Variants in FABP12 observed in about 807,000 individuals in gnomAD.
FABP12 encodes fatty acid binding protein 12, also known as fatty acid-binding protein 12.
Under a neutral mutation model 13.7 loss-of-function variants are expected in FABP12, and 19 were observed. The observed-to-expected ratio is 1.39, with a 90% CI of 0.97 to 2.04. FABP12 has a LOEUF of 2.04. Ranked by LOEUF, FABP12 falls within the 30% of genes most tolerant of loss-of-function variation. The pLI, the probability that FABP12 is intolerant of heterozygous loss-of-function variation, is 0.00. For synonymous variants in FABP12, 61 were observed against 57.0 expected, an observed-to-expected ratio of 1.07 and a Z score of -0.32; for missense variants, 182 against 164.2, an observed-to-expected ratio of 1.11 and a Z score of -0.59.
At chr8:81,542,852 C>T (rs1472326502) in intron 1 of FABP12, among the ~76,000 whole-genome samples, 1 of 152,154 alleles carries the variant, frequency 6.6e-6, no homozygotes, top group Non-Finnish European at 1.5e-5. Flanking sequence ...ATATCTTTCA[C>T]AACATCAGTG....
exon 4 of FABP12, chr8:81,527,023 C>T (rs1225457953): frequency 1.2e-5 from 20 of 1,600,362 alleles, no homozygotes; most frequent in Non-Finnish European, 1.6e-5. Context: ...AACTCACCAC[C>T]ACCATTTTCC....
At position 81,570,005 on chromosome 8, in the gene FABP12, T is replaced by C. The variant is rs539536128; in HGVS notation, c.-185+20048A>G. Among the ~76,000 whole-genome samples, 4 of 152,316 alleles carry C rather than the reference T, an allele frequency of 2.6e-5. No homozygotes were observed. The East Asian group carries it at 7.7e-4, about 29-fold the overall frequency. On this transcript the variant is annotated intron_variant, in intron 1 of 5. Transcript: ENST00000692030. Reference sequence around the variant, plus strand: ...GTCAGGCATGGAGCTGCAAGGAGCATGGGGTCTGGCCACTGTGCAGTCAGG... The same window carrying C: ...GTCAGGCATGGAGCTGCAAGGAGCACGGGGTCTGGCCACTGTGCAGTCAGG...
chr8:81,544,650 GAA>G (rs74624951), intron 1 of FABP12, among the ~76,000 whole-genome samples: 1 of 137,978 alleles, frequency 7.2e-6, no homozygotes, highest in Non-Finnish European at 1.6e-5. Flanking sequence ...CAGTTAAAAA[GAA>G]AAAAAAAAAG....
intron 2 of FABP12, among the ~76,000 whole-genome samples, 188 bp downstream of exon 2, chr8:81,531,055 A>G (rs574035138): frequency 6.6e-6 from 1 of 152,330 alleles, no homozygotes; most frequent in Admixed American, 6.5e-5. Context: ...GGTAACTTAT[A>G]TGAGAGATTA....
In FABP12 at chr8:81,541,923, A is replaced by T. The variant is rs1809353759; in HGVS notation, c.-184-2180T>A. On this transcript the variant is annotated intron_variant, in intron 1 of 5. Transcript: ENST00000692030. Reference sequence around the variant, plus strand: ...AGTCCCAGGGTTTAAAAAAAAAAAAAAAAAAAAAAAAAAAAAAAGACAAAG... The same window carrying T: ...AGTCCCAGGGTTTAAAAAAAAAAAATAAAAAAAAAAAAAAAAAAGACAAAG... Among the ~76,000 whole-genome samples the T allele has an allele frequency of 4.2e-5, 6 of 141,782 alleles. No individual in the cohort carries two copies. In the South Asian group the frequency reaches 1.1e-3, roughly 26 times the overall value. The allele number at this position is 141,782 out of a possible 152,430, so 93.0% of individuals were successfully genotyped here.
intron 1 of FABP12, among the ~76,000 whole-genome samples, chr8:81,566,190 G>A (rs1809815039): frequency 6.6e-6 from 1 of 151,936 alleles, no homozygotes; most frequent in African/African-American, 2.4e-5. Flanking sequence ...TTCCAGCAAA[G>A]AATGCCATCA....
intron 1 of FABP12, among the ~76,000 whole-genome samples, chr8:81,556,101 A>G (rs1809610416): frequency 2.0e-5 from 3 of 152,192 alleles, no homozygotes; most frequent in Non-Finnish European, 4.4e-5. Context: ...ATTTTTCACA[A>G]TATCTATATA....
At chr8:81,574,626 T>A (rs1318515636) in intron 1 of FABP12, among the ~76,000 whole-genome samples, 5 of 152,178 alleles carry the variant, frequency 3.3e-5, no homozygotes, top group African/African-American at 1.2e-4. Context: ...TCAATCTCAC[T>A]GCTCGTTATT....
intron 1 of FABP12, among the ~76,000 whole-genome samples, chr8:81,585,178 C>T (rs1810223868): frequency 6.6e-6 from 1 of 152,076 alleles, no homozygotes; most frequent in African/African-American, 2.4e-5. Context: ...TTGGAGCATC[C>T]CTTCAATGTT....
chr8:81,574,073 T>C (rs1018384380), intron 1 of FABP12, among the ~76,000 whole-genome samples: 15 of 152,152 alleles, frequency 9.9e-5, no homozygotes, highest in Admixed American at 2.0e-4. Flanking sequence ...CATTTAGTAT[T>C]ATGTTGGCTG....
chr8:81,558,952 G>T (rs1809669792), intron 1 of FABP12, among the ~76,000 whole-genome samples: 1 of 151,078 alleles, frequency 6.6e-6, no homozygotes, highest in Admixed American at 6.6e-5. Context: ...CAGAGAAGGA[G>T]GACCTACTAG....
At chr8:81,586,941 C>T (rs1015730353) in intron 1 of FABP12, among the ~76,000 whole-genome samples, 1 of 152,144 alleles carries the variant, frequency 6.6e-6, no homozygotes, top group Non-Finnish European at 1.5e-5. Flanking sequence ...ACATTTAAGT[C>T]TTTAATCTCT....
upstream of FABP12, among the ~76,000 whole-genome samples, chr8:81,534,159 T>C (rs1809163710): frequency 6.6e-6 from 1 of 151,976 alleles, no homozygotes; most frequent in Non-Finnish European, 1.5e-5. Flanking sequence ...ATATTGCATA[T>C]TTTCCTCTCA....
intron 3 of FABP12, among the ~76,000 whole-genome samples, chr8:81,529,044 G>A (rs921540476): frequency 2.6e-5 from 4 of 152,072 alleles, no homozygotes; most frequent in Admixed American, 6.6e-5. Flanking sequence ...TCATTGTCAC[G>A]GTGGCATAAC....
chr8:81,542,079 A>G (rs1809359421), intron 1 of FABP12, among the ~76,000 whole-genome samples: 2 of 152,094 alleles, frequency 1.3e-5, no homozygotes, highest in Non-Finnish European at 1.5e-5. Flanking sequence ...GTGAAGTCTC[A>G]AAAACAAGAA....
chr8:81,541,718 A>G (rs902724942), intron 1 of FABP12, among the ~76,000 whole-genome samples: 4 of 152,090 alleles, frequency 2.6e-5, no homozygotes, highest in African/African-American at 7.2e-5. Flanking sequence ...ACTGCCTTCT[A>G]GAAGTCTCCA....
At chr8:81,560,527 A>G (rs544711814) in intron 1 of FABP12, among the ~76,000 whole-genome samples, 1 of 152,282 alleles carries the variant, frequency 6.6e-6, no homozygotes, top group East Asian at 1.9e-4. Flanking sequence ...TGGACAGGCC[A>G]TCCCCCCATC....
At chr8:81,564,156 GA>G (rs141192268) in intron 1 of FABP12, among the ~76,000 whole-genome samples, 155 of 149,226 alleles carry the variant, frequency 1.0e-3, no homozygotes, top group African/African-American at 3.7e-3. Context: ...AGTGCTGAAA[GA>G]AAAAAAAACA....
At chr8:81,539,097 C>T (rs988781162) in intron 2 of FABP12, among the ~76,000 whole-genome samples, 6 of 152,132 alleles carry the variant, frequency 3.9e-5, no homozygotes, top group African/African-American at 7.2e-5. Context: ...TATCTGCCCA[C>T]CTCGGCCTCC....
Sources: allele counts gnomAD v4.1 joint callset (sites outside exome capture counted in the v4.1 genomes callset), GRCh38; gene constraint gnomAD v4.1.1; transcripts MANE v1.5; gene names NCBI Gene and HGNC (gene_info 2026-07-23, HGNC 2026-07-21).